The following SND1 variants were observed in gnomAD, a reference collection of about 807,000 sequenced individuals.
SND1 encodes staphylococcal nuclease domain-containing protein 1.
In SND1, 38 loss-of-function variants were observed where a neutral mutation model predicts 121.7. The ratio of observed to expected loss-of-function variants is 0.31; its 90% confidence interval spans 0.24 to 0.41. The LOEUF is 0.41. Among genes scored for constraint, SND1 ranks in the 10% least tolerant of loss-of-function variants. SND1 has a pLI of 1.00. For missense variants in SND1, 868 were observed against 1,184.6 expected, an observed-to-expected ratio of 0.73 and a Z score of 3.92; for synonymous variants, 401 against 447.4, an observed-to-expected ratio of 0.90 and a Z score of 1.31.
At chr7:128,007,451 G>C (rs949644224) in intron 16 of SND1, among the ~76,000 whole-genome samples, 1 of 152,230 alleles carries the variant, frequency 6.6e-6, no homozygotes, top group African/African-American at 2.4e-5. Context: ...GACCAGGCCT[G>C]ATATGGAGAC....
intron 10 of SND1, among the ~76,000 whole-genome samples, chr7:127,795,881 A>G (rs953939260): frequency 1.3e-5 from 2 of 151,730 alleles, no homozygotes; most frequent in African/African-American, 2.4e-5. Context: ...TTTTTGAGAC[A>G]CAGTCTTGCT....
chr7:127,856,277 T>G (rs1799271793), intron 12 of SND1, among the ~76,000 whole-genome samples: 1 of 152,196 alleles, frequency 6.6e-6, no homozygotes, highest in Admixed American at 6.5e-5. Context: ...GCTACTTCCC[T>G]GGGTATGCTA....
chr7:127,941,655 A>G (rs1228087761), intron 15 of SND1, among the ~76,000 whole-genome samples: 1 of 152,180 alleles, frequency 6.6e-6, no homozygotes, highest in Non-Finnish European at 1.5e-5. Flanking sequence ...TGTGCTAGGC[A>G]TGCGGTTATT....
At position 127,887,976 on chromosome 7, in the gene SND1, C is replaced by A; in HGVS notation, c.1418C>A (p.Ser473Ter). The A allele has an allele frequency of 6.2e-7, 1 of 1,612,170 alleles. No homozygotes were observed. Among genetic ancestry groups the A allele is most frequent in the South Asian group, 1.1e-5 (1 of 91,014 alleles). ...TACCGGCAGGATGATGACCAGAGATCATCACACTACGATGAACTGCTTGCT... is the reference window on the plus strand; with the variant it reads ...TACCGGCAGGATGATGACCAGAGATAATCACACTACGATGAACTGCTTGCT... ...IRYRQDDDQR[S>*]SHYDELLAAE... Residue 473 changes from serine (S) to a stop codon, truncating the protein, a stop_gained, in exon 13 of 24, where the codon TCA becomes TAA. Transcript: ENST00000354725. LOFTEE classifies it high-confidence loss of function.
chr7:128,042,487 G>C (rs1792873493), intron 16 of SND1: 1 of 152,338 alleles, frequency 6.6e-6, no homozygotes, highest in African/African-American at 2.4e-5. Flanking sequence ...GGGGGGAGAT[G>C]AACATGAACA....
chr7:127,850,706 T>A (rs1343650293), intron 12 of SND1, among the ~76,000 whole-genome samples: 1 of 152,206 alleles, frequency 6.6e-6, no homozygotes, highest in East Asian at 1.9e-4. Context: ...AAGAGCAGTT[T>A]AGATTGTTTT....
chr7:127,973,085 C>A (rs896118423), intron 15 of SND1, among the ~76,000 whole-genome samples: 1 of 152,090 alleles, frequency 6.6e-6, no homozygotes. Context: ...CTGCCTAGGC[C>A]GCAGAGTGGG....
intron 10 of SND1, among the ~76,000 whole-genome samples, chr7:127,722,875 A>T (rs1796520280): frequency 6.6e-6 from 1 of 152,170 alleles, no homozygotes; most frequent in South Asian, 2.1e-4. Context: ...TTGAGAATTT[A>T]AATGTATGAA....
chr7:127,955,518 C>T (rs1801572008), intron 15 of SND1, among the ~76,000 whole-genome samples: 1 of 152,004 alleles, frequency 6.6e-6, no homozygotes, highest in South Asian at 2.1e-4. Flanking sequence ...GGGGTGGTGG[C>T]ACGTGGTTAT....
intron 7 of SND1, 124 bp from the exon 8 acceptor site, chr7:127,704,715 C>A: frequency 1.3e-6 from 1 of 750,426 alleles, no homozygotes; most frequent in Non-Finnish European, 2.2e-6. Flanking sequence ...CTACTGTAAA[C>A]AAACAAACAA....
At chr7:127,946,479 G>A (rs1801333326) in intron 15 of SND1, among the ~76,000 whole-genome samples, 1 of 152,216 alleles carries the variant, frequency 6.6e-6, no homozygotes, top group South Asian at 2.1e-4. Context: ...ATAGCTTAGA[G>A]AGTGCAAGTT....
intron 1 of SND1, among the ~76,000 whole-genome samples, chr7:127,671,657 G>A (rs1238787482): frequency 6.6e-6 from 1 of 152,122 alleles, no homozygotes; most frequent in African/African-American, 2.4e-5. Flanking sequence ...ACTATTTGCA[G>A]GTACCACTGT....
At chr7:127,927,288 T>C (rs1183137734) in intron 14 of SND1, among the ~76,000 whole-genome samples, 1 of 152,210 alleles carries the variant, frequency 6.6e-6, no homozygotes, top group Non-Finnish European at 1.5e-5. Flanking sequence ...AAAATGTAAT[T>C]TGCTCTGATC....
intron 16 of SND1, among the ~76,000 whole-genome samples, chr7:128,013,602 C>T (rs913264639): frequency 2.6e-5 from 4 of 152,140 alleles, no homozygotes; most frequent in African/African-American, 9.7e-5. Flanking sequence ...ATGGACTGGT[C>T]GGGTGAGGCA....
At chr7:128,034,414 T>A (rs1188634853) in intron 16 of SND1, among the ~76,000 whole-genome samples, 1 of 152,192 alleles carries the variant, frequency 6.6e-6, no homozygotes, top group Non-Finnish European at 1.5e-5. Context: ...ACCGACCTAG[T>A]AGAGTCATCT....
At chr7:127,741,429 G>A (rs978718441) in intron 10 of SND1, among the ~76,000 whole-genome samples, 3 of 150,902 alleles carry the variant, frequency 2.0e-5, no homozygotes, top group Non-Finnish European at 4.4e-5. Flanking sequence ...CCTTAAAATC[G>A]CCTGGGGGAA....
intron 10 of SND1, among the ~76,000 whole-genome samples, chr7:127,766,199 G>A (rs188816478): frequency 6.6e-6 from 1 of 152,336 alleles, no homozygotes; most frequent in East Asian, 1.9e-4. Context: ...TGGAAGCAAA[G>A]ACTAAGCTCT....
intron 14 of SND1, among the ~76,000 whole-genome samples, chr7:127,919,834 A>G (rs1236388083): frequency 1.3e-5 from 2 of 152,212 alleles, no homozygotes; most frequent in Admixed American, 1.3e-4. Context: ...TTTAACTATT[A>G]CAATTTAATG....
intron 3 of SND1, 135 bp from the exon 4 acceptor site, chr7:127,698,740 A>G: frequency 2.9e-6 from 2 of 692,216 alleles, no homozygotes; most frequent in South Asian, 1.7e-5. Context: ...CCAATGCTAC[A>G]TTGCTGCTGT....
Sources: allele counts gnomAD v4.1 joint callset (sites outside exome capture counted in the v4.1 genomes callset), GRCh38; gene constraint gnomAD v4.1.1; transcripts MANE v1.5; gene names NCBI Gene and HGNC (gene_info 2026-07-23, HGNC 2026-07-21).